LOC400499: variants seen among roughly 807,000 people sequenced by gnomAD.
the LOC400499 span, among the ~76,000 whole-genome samples, chr16:11,383,334 T>C: frequency 6.6e-6 from 1 of 152,212 alleles, no homozygotes; most frequent in Non-Finnish European, 1.5e-5. Flanking sequence ...CCCAAAGTGC[T>C]GGGATTACAG....
chr16:11,438,936 T>C, the LOC400499 span, among the ~76,000 whole-genome samples: 2 of 152,168 alleles, frequency 1.3e-5, no homozygotes, highest in Non-Finnish European at 1.5e-5. Flanking sequence ...CTCTAATTTT[T>C]TTTATTGCTG....
chr16:11,398,217 G>A, the LOC400499 span: 1 of 739,762 alleles, frequency 1.4e-6, no homozygotes, highest in Non-Finnish European at 1.9e-6. Context: ...GCAGGCAAAT[G>A]GCAGAGCCAC....
the LOC400499 span, chr16:11,447,931 T>C: frequency 1.2e-5 from 18 of 1,534,892 alleles, no homozygotes; most frequent in Middle Eastern, 3.3e-4. Flanking sequence ...GGGGCGCACA[T>C]ACCTAAGGAG....
the LOC400499 span, chr16:11,396,666 C>G: frequency 8.1e-7 from 1 of 1,231,894 alleles, no homozygotes; most frequent in Non-Finnish European, 1.0e-6. Context: ...TCCCCGACGA[C>G]CAAGAGGGCC....
chr16:11,401,783 G>A, the LOC400499 span, among the ~76,000 whole-genome samples: 9 of 152,204 alleles, frequency 5.9e-5, no homozygotes, highest in East Asian at 1.3e-3. Context: ...GTGGCTTCAC[G>A]CACAGAACCT....
the LOC400499 span, chr16:11,515,851 G>GGCCCCCCCCCCCCCCCCCCCCCC: frequency 4.9e-6 from 1 of 202,936 alleles, no homozygotes; most frequent in Non-Finnish European, 8.1e-6. Context: ...CAGGGGCCCG[G>GGCCCCCCCCCCCCCCCCCCCCCC]CCCAGCCCAG....
At chr16:11,411,994 C>T in the LOC400499 span, among the ~76,000 whole-genome samples, 1 of 152,158 alleles carries the variant, frequency 6.6e-6, no homozygotes, top group Admixed American at 6.5e-5. Flanking sequence ...TCCTGAGCAG[C>T]TGGGACTACA....
chr16:11,502,048 T>A, the LOC400499 span: 1 of 398,990 alleles, frequency 2.5e-6, no homozygotes, highest in East Asian at 3.6e-5. Flanking sequence ...CAGCTCCTAG[T>A]CCATCCCCCA....
At chr16:11,477,954 C>A in the LOC400499 span, 1 of 398,996 alleles carries the variant, frequency 2.5e-6, no homozygotes, top group Non-Finnish European at 4.4e-6. Context: ...GTGGGAAAGA[C>A]CAGTTCCTGT....
At chr16:11,425,581 A>T in the LOC400499 span, 1 of 397,730 alleles carries the variant, frequency 2.5e-6, no homozygotes, top group East Asian at 3.6e-5. Context: ...ACATTTGTGA[A>T]ATCCATCAGA....
the LOC400499 span, chr16:11,440,855 T>A: frequency 2.5e-6 from 1 of 398,714 alleles, no homozygotes; most frequent in African/African-American, 2.1e-5. Flanking sequence ...TGGGAAGAAA[T>A]AGACAACACC....
At chr16:11,455,532 C>G in the LOC400499 span, among the ~76,000 whole-genome samples, 1 of 151,902 alleles carries the variant, frequency 6.6e-6, no homozygotes, top group Non-Finnish European at 1.5e-5. Context: ...CTCAGGAGTT[C>G]AAGACCAGCC....
At chr16:11,448,741 G>GAAGGAAAAGGAAA in the LOC400499 span, among the ~76,000 whole-genome samples, 7 of 151,922 alleles carry the variant, frequency 4.6e-5, no homozygotes, top group African/African-American at 1.7e-4. Context: ...TATAAGAAAA[G>GAAGGAAAAGGAAA]AAGGAAAAGG....
At chr16:11,404,797 G>A in the LOC400499 span, 105 of 399,044 alleles carry the variant, frequency 2.6e-4, no homozygotes, top group African/African-American at 1.8e-3. Flanking sequence ...ACCACCTGGC[G>A]CAGGACACGG....
chr16:11,418,041 G>A, the LOC400499 span, among the ~76,000 whole-genome samples: 10 of 152,194 alleles, frequency 6.6e-5, no homozygotes, highest in Admixed American at 2.0e-4. Flanking sequence ...CCAGGAGACC[G>A]TAGAGAAAAC....
chr16:11,474,513 T>G, the LOC400499 span, among the ~76,000 whole-genome samples: 109 of 152,320 alleles, frequency 7.2e-4, no homozygotes, highest in African/African-American at 2.5e-3. Context: ...GATTTTGGTT[T>G]GCTTGTATAG....
chr16:11,518,696 G>A, the LOC400499 span, among the ~76,000 whole-genome samples: 4 of 152,148 alleles, frequency 2.6e-5, no homozygotes, highest in East Asian at 7.7e-4. Flanking sequence ...CTTCATCGGT[G>A]CTTGACAAGG....
chr16:11,440,566 A>G, the LOC400499 span, among the ~76,000 whole-genome samples: 1 of 152,182 alleles, frequency 6.6e-6, no homozygotes, highest in South Asian at 2.1e-4. Context: ...ATGCATCCTG[A>G]CTAATCACAC....
chr16:11,500,036 C>A, the LOC400499 span, among the ~76,000 whole-genome samples: 1 of 152,228 alleles, frequency 6.6e-6, no homozygotes, highest in African/African-American at 2.4e-5. Context: ...TTATTGACCT[C>A]ATCTCACACA....
Sources: allele counts gnomAD v4.1 joint callset (sites outside exome capture counted in the v4.1 genomes callset), GRCh38; gene constraint gnomAD v4.1.1; transcripts MANE v1.5.